Variants in PCDHA11 observed in about 807,000 individuals in gnomAD.
PCDHA11 encodes protocadherin alpha-11.
In PCDHA11, 61 loss-of-function variants were observed where a neutral mutation model predicts 70.3. The ratio of observed to expected loss-of-function variants is 0.87; its 90% CI spans 0.71 to 1.07. The LOEUF (loss-of-function observed/expected upper bound fraction) is 1.07. Ranked by LOEUF, PCDHA11 falls within the 50% of genes least tolerant of loss-of-function variation. The probability of loss-of-function intolerance (pLI) is 0.00; values close to 1 mark genes in which losing one functional copy is unlikely to be tolerated. For synonymous variants in PCDHA11, 633 were observed against 555.1 expected (o/e 1.14, Z -1.97); for missense variants, 1,324 against 1,237.5 (o/e 1.07, Z -1.05).
chr5:140,926,811 C>T, intron 1 of PCDHA11: 3 of 1,464,260 alleles, frequency 2.0e-6, no homozygotes, highest in Admixed American at 5.2e-5. Flanking sequence ...CCCCGCGGCT[C>T]GTGCTCTCCA....
chr5:140,883,119 C>T, intron 1 of PCDHA11: 1 of 1,613,998 alleles, frequency 6.2e-7, no homozygotes, highest in Non-Finnish European at 8.5e-7. Context: ...TTTAGAAGGC[C>T]TGTATGGCCT....
chr5:140,971,263 C>T (rs1554233162), intron 1 of PCDHA11, among the ~76,000 whole-genome samples: 1 of 152,186 alleles, frequency 6.6e-6, no homozygotes, highest in African/African-American at 2.4e-5. Flanking sequence ...CTATTTCTGT[C>T]TTACACTGAC....
At chr5:140,896,318 C>T (rs1036368074) in intron 1 of PCDHA11, among the ~76,000 whole-genome samples, 8 of 152,150 alleles carry the variant, frequency 5.3e-5, no homozygotes, top group African/African-American at 1.9e-4. Flanking sequence ...AACTGCTTTC[C>T]ACAGTGGCTA....
At chr5:140,895,250 T>G (rs2153449407) in intron 1 of PCDHA11, among the ~76,000 whole-genome samples, 1 of 152,318 alleles carries the variant, frequency 6.6e-6, no homozygotes, top group African/African-American at 2.4e-5. Flanking sequence ...TTTTCAAAGC[T>G]TTCTTTTTTT....
chr5:140,967,810 C>T, intron 1 of PCDHA11: 1 of 1,614,176 alleles, frequency 6.2e-7, no homozygotes, highest in Non-Finnish European at 8.5e-7. Context: ...TGGCAGGTCA[C>T]TGCAAGGTGC....
At chr5:141,000,183 A>G (rs2097895175) in intron 3 of PCDHA11, among the ~76,000 whole-genome samples, 1 of 151,898 alleles carries the variant, frequency 6.6e-6, no homozygotes, top group Non-Finnish European at 1.5e-5. Context: ...CAAGGAGTCA[A>G]TGTGAGAATA....
chr5:140,991,317 T>C (rs2097444971), intron 3 of PCDHA11, among the ~76,000 whole-genome samples: 1 of 152,208 alleles, frequency 6.6e-6, no homozygotes, highest in Admixed American at 6.5e-5. Flanking sequence ...TCCCGCATGA[T>C]ACATGAAGGG....
Position 140,870,201 on chromosome 5 carries a change from G to T in PCDHA11, c.1098G>T (p.Thr366=). ...LPVREDAQPS[T]VIALISVSDR... is the part of the protein sequence containing the mutation. ...TACGAGAGGACGCTCAGCCCAGCAC[G>T]GTCATTGCCCTGATCAGCGTGTCTG... The change falls in exon 1 of 4, where the codon ACG becomes ACT. Residue 366 remains threonine (T), a synonymous_variant. Transcript: ENST00000398640. The T allele has an allele frequency of 6.2e-7, 1 of 1,614,140 alleles. No individual in the cohort carries two copies. The highest frequency in any genetic ancestry group is 1.1e-5 in the South Asian group (1 of 91,082).
chr5:140,949,659 T>A (rs940241933), intron 1 of PCDHA11, among the ~76,000 whole-genome samples: 12 of 151,994 alleles, frequency 7.9e-5, no homozygotes, highest in Middle Eastern at 6.8e-3. Context: ...TACTTTTGTT[T>A]CTTTAAAGTA....
At chr5:140,887,928 A>G (rs1345223604) in intron 1 of PCDHA11, among the ~76,000 whole-genome samples, 1 of 152,138 alleles carries the variant, frequency 6.6e-6, no homozygotes, top group Non-Finnish European at 1.5e-5. Flanking sequence ...TTCAGAGACC[A>G]TATTTATTTC....
At chr5:140,927,946 G>T (rs1341193072) in intron 1 of PCDHA11, 1 of 1,614,096 alleles carries the variant, frequency 6.2e-7, no homozygotes, top group African/African-American at 1.3e-5. Context: ...AGTACCTGAG[G>T]ACGCTGCCCC....
intron 1 of PCDHA11, among the ~76,000 whole-genome samples, chr5:140,898,316 G>T (rs1487888782): frequency 6.6e-6 from 1 of 152,168 alleles, no homozygotes; most frequent in Non-Finnish European, 1.5e-5. Flanking sequence ...GGTTTTTATG[G>T]TTTTGGGTCT....
intron 1 of PCDHA11, among the ~76,000 whole-genome samples, chr5:140,896,197 T>G (rs911999135): frequency 2.0e-5 from 3 of 152,280 alleles, no homozygotes; most frequent in Non-Finnish European, 2.9e-5. Flanking sequence ...AGTGCCATGA[T>G]GAACATACAC....
chr5:140,926,953 C>T, intron 1 of PCDHA11: 1 of 1,596,706 alleles, frequency 6.3e-7, no homozygotes, highest in Non-Finnish European at 8.6e-7. Flanking sequence ...TGCAGCGGGA[C>T]AGCTCGAGTA....
intron 1 of PCDHA11, among the ~76,000 whole-genome samples, chr5:140,898,621 C>T (rs1356286726): frequency 8.5e-5 from 13 of 152,312 alleles, no homozygotes; most frequent in African/African-American, 2.6e-4. Flanking sequence ...AGTCAGGTAG[C>T]ATAATGCCTC....
At chr5:140,905,766 A>G (rs782122019) in intron 1 of PCDHA11, among the ~76,000 whole-genome samples, 15 of 152,144 alleles carry the variant, frequency 9.9e-5, no homozygotes, top group African/African-American at 2.7e-4. Flanking sequence ...GGTTAAGTAT[A>G]TTCCGAAGTG....
At chr5:140,919,050 G>T (rs2153552038) in intron 1 of PCDHA11, among the ~76,000 whole-genome samples, 1 of 152,302 alleles carries the variant, frequency 6.6e-6, no homozygotes, top group Admixed American at 6.5e-5. Context: ...ATTATTGGAA[G>T]TGGAGTATTA....
At chr5:140,944,846 G>A (rs269554) in intron 1 of PCDHA11, among the ~76,000 whole-genome samples, 33,882 of 151,952 alleles carry the variant, frequency 0.22, 4,860 homozygotes, top group African/African-American at 0.41. Context: ...TGAGATATTA[G>A]AATCATCCTT....
chr5:140,960,792 C>T (rs2095571018), intron 1 of PCDHA11, among the ~76,000 whole-genome samples: 1 of 151,986 alleles, frequency 6.6e-6, no homozygotes, highest in South Asian at 2.1e-4. Context: ...AACAAGGTTT[C>T]TATTAAAATA....
Sources: gnomAD v4.1 joint callset for allele counts (sites outside exome capture counted in the v4.1 genomes callset) on GRCh38, gnomAD v4.1.1 for gene constraint, MANE v1.5 for transcripts, NCBI Gene and HGNC (gene_info 2026-07-23, HGNC 2026-07-21) for gene names.